LDLRAD4: variants seen among roughly 807,000 people sequenced by gnomAD.
The protein encoded by LDLRAD4 is low density lipoprotein receptor class A domain containing 4, also known as low-density lipoprotein receptor class A domain-containing protein 4.
In LDLRAD4, 5 loss-of-function variants were observed where a neutral mutation model predicts 17.0. That is an observed-to-expected ratio of 0.29 (90% confidence interval 0.15 to 0.62). The LOEUF is 0.62. LDLRAD4 is among the 20% of genes least tolerant of loss of function. The pLI is 0.84. For synonymous variants in LDLRAD4, 168 were observed against 171.8 expected, an observed-to-expected ratio of 0.98 and a Z score of 0.17; for missense variants, 340 against 424.7, an observed-to-expected ratio of 0.80 and a Z score of 1.75.
chr18:13,240,344 A>C (rs1359714309), intron 1 of LDLRAD4: 7 of 152,218 alleles, frequency 4.6e-5, no homozygotes, highest in African/African-American at 7.2e-5. Context: ...AGCTGGTGGC[A>C]GGGAAGCGGA....
chr18:13,407,173 C>G (rs2087844539), intron 2 of LDLRAD4, among the ~76,000 whole-genome samples: 1 of 152,158 alleles, frequency 6.6e-6, no homozygotes, highest in Non-Finnish European at 1.5e-5. Flanking sequence ...TAAACTTGTG[C>G]ATGAGTGTGC....
At chr18:13,450,333 C>G (rs1225599263) in intron 3 of LDLRAD4, among the ~76,000 whole-genome samples, 6 of 123,562 alleles carry the variant, frequency 4.9e-5, no homozygotes, top group East Asian at 4.6e-4. Context: ...CCCACCCCCC[C>G]CCCCAAAAAA....
exon 2 of LDLRAD4, chr18:13,387,587 G>T: frequency 1.3e-6 from 1 of 792,222 alleles, no homozygotes; most frequent in Non-Finnish European, 2.1e-6. Flanking sequence ...CAGGTGGGCC[G>T]CGGATGCTCC....
intron 3 of LDLRAD4, among the ~76,000 whole-genome samples, chr18:13,442,663 C>T (rs955727656): frequency 2.0e-5 from 3 of 152,224 alleles, no homozygotes; most frequent in African/African-American, 7.2e-5. Flanking sequence ...CCTGCCACCT[C>T]ATTGTTCCTG....
rs367571092 is a variant in LDLRAD4, at chr18:13,450,337, C to CCCGA, written c.181+11953_181+11954insCCGA. Among the ~76,000 whole-genome samples, 2 of 115,496 alleles carry CCCGA rather than the reference C, an allele frequency of 1.7e-5. 1 individual carries two copies. The highest frequency in any genetic ancestry group is 3.8e-5 in the Non-Finnish European group (2 of 53,320). The allele number at this position is 115,496 out of a possible 152,430, so 75.8% of individuals were successfully genotyped here. ...GCTTCTCTCCCCCCACCCCCCCCCCCAAAAAAACACACAAGATCCCAAGAC... is the reference window on the plus strand; with the variant it reads ...GCTTCTCTCCCCCCACCCCCCCCCCCCCGAAAAAAAACACACAAGATCCCAAGAC... On this transcript the variant is annotated intron_variant, in intron 3 of 5. Coordinates refer to ENST00000359446, the Ensembl canonical transcript of LDLRAD4.
chr18:13,595,979 A>C (rs777262392), intron 3 of LDLRAD4, among the ~76,000 whole-genome samples: 2 of 152,198 alleles, frequency 1.3e-5, no homozygotes, highest in Non-Finnish European at 2.9e-5. Context: ...TATGGTATCC[A>C]GCTATTATTC....
intron 1 of LDLRAD4, among the ~76,000 whole-genome samples, chr18:13,287,628 G>T (rs901270501): frequency 1.3e-5 from 2 of 152,178 alleles, no homozygotes. Context: ...CAGGTTATGG[G>T]GTGGGGCGGG....
chr18:13,430,134 T>C (rs1004650589), intron 2 of LDLRAD4, among the ~76,000 whole-genome samples: 2 of 152,082 alleles, frequency 1.3e-5, no homozygotes, highest in Non-Finnish European at 2.9e-5. Flanking sequence ...TGAGGATAAA[T>C]GCTGCCAGGC....
At position 13,287,114 on chromosome 18, in the gene LDLRAD4, G is replaced by A. The variant is rs142543371; in HGVS notation, c.-383+8926G>A. ...AGGCTGGGAGAAGTCACCACACACAGAGACTTGGTGTCACCCGCAACAGCA... is the reference window on the plus strand; with the variant it reads ...AGGCTGGGAGAAGTCACCACACACAAAGACTTGGTGTCACCCGCAACAGCA... On this transcript the variant is annotated intron_variant, in intron 1 of 5. Coordinates refer to ENST00000359446, the Ensembl canonical transcript of LDLRAD4. 7.4e-4 allele frequency among the ~76,000 whole-genome samples: 112 copies of A among 152,276 alleles called. No homozygotes were observed. In the East Asian group the frequency reaches 0.021, roughly 28 times the overall value.
chr18:13,297,967 C>T (rs12963130), intron 1 of LDLRAD4, among the ~76,000 whole-genome samples: 20,392 of 152,168 alleles, frequency 0.13, 1,480 homozygotes, highest in South Asian at 0.19. Flanking sequence ...TAGTTATAGG[C>T]GCTAACCAGG....
At chr18:13,567,889 G>A (rs2094628630) in intron 3 of LDLRAD4, among the ~76,000 whole-genome samples, 1 of 152,142 alleles carries the variant, frequency 6.6e-6, no homozygotes, top group Non-Finnish European at 1.5e-5. Context: ...AAGTATTAAC[G>A]CTGTGGATTT....
intron 3 of LDLRAD4, among the ~76,000 whole-genome samples, chr18:13,512,500 A>T (rs2093797959): frequency 6.6e-6 from 1 of 152,344 alleles, no homozygotes; most frequent in East Asian, 1.9e-4. Flanking sequence ...GCTTTTGGAC[A>T]TATATTATGT....
chr18:13,613,538 C>T (rs1209946731), intron 3 of LDLRAD4: 1 of 152,188 alleles, frequency 6.6e-6, no homozygotes, highest in Non-Finnish European at 1.5e-5. Context: ...GCTCTTACTC[C>T]TCTGCTGATT....
intron 2 of LDLRAD4, among the ~76,000 whole-genome samples, chr18:13,406,213 A>G (rs899675929): frequency 6.6e-6 from 1 of 152,160 alleles, no homozygotes; most frequent in African/African-American, 2.4e-5. Flanking sequence ...CTCTCGGCTG[A>G]TGACGGATGG....
intron 1 of LDLRAD4, among the ~76,000 whole-genome samples, chr18:13,380,199 T>C (rs901203863): frequency 4.6e-5 from 7 of 152,230 alleles, no homozygotes; most frequent in Non-Finnish European, 7.4e-5. Context: ...CCTGACCCTT[T>C]CCCATTCCCT....
chr18:13,602,066 T>TA (rs2095169619), intron 3 of LDLRAD4, among the ~76,000 whole-genome samples: 1 of 152,160 alleles, frequency 6.6e-6, no homozygotes. Flanking sequence ...ACAGAAAAAG[T>TA]AAATATAAGT....
intron 1 of LDLRAD4, among the ~76,000 whole-genome samples, chr18:13,352,815 C>T (rs1478700935): frequency 6.6e-6 from 1 of 151,912 alleles, no homozygotes; most frequent in East Asian, 1.9e-4. Context: ...TTTTAAATGA[C>T]TTGTCTTTAG....
chr18:13,351,896 A>G (rs1305891193), intron 1 of LDLRAD4, among the ~76,000 whole-genome samples: 1 of 152,222 alleles, frequency 6.6e-6, no homozygotes, highest in African/African-American at 2.4e-5. Context: ...CCAGCAGCAC[A>G]TCAAAAAGCT....
intron 3 of LDLRAD4, among the ~76,000 whole-genome samples, chr18:13,458,525 G>C (rs774492918): frequency 6.6e-6 from 1 of 152,216 alleles, no homozygotes; most frequent in Non-Finnish European, 1.5e-5. Context: ...AACATTCACT[G>C]CTTTGTTTTG....
Sources: gnomAD v4.1 joint callset for allele counts (sites outside exome capture counted in the v4.1 genomes callset) on GRCh38, gnomAD v4.1.1 for gene constraint, MANE v1.5 for transcripts, NCBI Gene and HGNC (gene_info 2026-07-23, HGNC 2026-07-21) for gene names.